TMEM230: variants seen among roughly 807,000 people sequenced by gnomAD.
TMEM230 encodes the protein transmembrane protein 230.
In TMEM230, 10 loss-of-function variants were observed where a neutral mutation model predicts 15.8. That is an observed-to-expected ratio of 0.63 (90% CI 0.39 to 1.07). The LOEUF (loss-of-function observed/expected upper bound fraction) is 1.07, where lower values mean the gene tolerates loss of function less well. Among genes scored for constraint, TMEM230 ranks in the 50% least tolerant of loss-of-function variants. The pLI is 0.01. For missense variants in TMEM230, 165 were observed against 193.3 expected (o/e 0.85, Z 0.87); for synonymous variants, 67 against 76.9 (o/e 0.87, Z 0.68).
intron 1 of TMEM230, among the ~76,000 whole-genome samples, chr20:5,112,155 C>G (rs1220439685): frequency 1.3e-5 from 2 of 152,198 alleles, no homozygotes; most frequent in Admixed American, 1.3e-4. Context: ...AACTGTTTTA[C>G]GTGGCTTGCA....
At chr20:5,061,671 G>C in the TMEM230 span, among the ~76,000 whole-genome samples, 1 of 152,164 alleles carries the variant, frequency 6.6e-6, no homozygotes. Context: ...CTGACAGTAA[G>C]AATCTCAGGG....
At chr20:5,112,558 G>C (rs1322124494) in intron 1 of TMEM230, among the ~76,000 whole-genome samples, 1 of 152,232 alleles carries the variant, frequency 6.6e-6, no homozygotes, top group Non-Finnish European at 1.5e-5. Flanking sequence ...GATTCTAAAA[G>C]ACGGGAAAAA....
intron 3 of TMEM230, among the ~76,000 whole-genome samples, chr20:5,092,980 T>C (rs1374821138): frequency 6.6e-6 from 1 of 152,112 alleles, no homozygotes; most frequent in Non-Finnish European, 1.5e-5. Flanking sequence ...TTTGACATAG[T>C]AATGGAAATC....
intron 3 of TMEM230, among the ~76,000 whole-genome samples, chr20:5,092,715 CAA>C (rs749828640): frequency 2.1e-4 from 11 of 53,008 alleles, no homozygotes; most frequent in Admixed American, 8.7e-4. Context: ...AACTCCGTCT[CAA>C]AAAAAAAAAA....
exon 4 of TMEM230, chr20:5,068,991 G>T (rs1022345816): frequency 4.7e-5 from 26 of 553,282 alleles, no homozygotes; most frequent in Admixed American, 4.4e-4. Context: ...AGTTGCATAG[G>T]GGGTAGAGGG....
At chr20:5,083,486 A>G (rs2089243536) in intron 3 of TMEM230, among the ~76,000 whole-genome samples, 1 of 152,014 alleles carries the variant, frequency 6.6e-6, no homozygotes, top group Non-Finnish European at 1.5e-5. Context: ...TCAAGAAGAG[A>G]GTCATATGAT....
At chr20:5,075,354 C>G (rs138543218) in intron 3 of TMEM230, among the ~76,000 whole-genome samples, 1 of 151,688 alleles carries the variant, frequency 6.6e-6, no homozygotes, top group Non-Finnish European at 1.5e-5. Context: ...CGTAAGCCAC[C>G]GCGCCCGGCC....
At chr20:5,068,741 C>A in exon 4 of TMEM230, 1 of 153,656 alleles carries the variant, frequency 6.5e-6, no homozygotes, top group Non-Finnish European at 1.4e-5. Flanking sequence ...TTTTATTACT[C>A]ATCCAGCTAA....
At chr20:5,091,070 C>T (rs2089492276) in intron 3 of TMEM230, among the ~76,000 whole-genome samples, 1 of 152,186 alleles carries the variant, frequency 6.6e-6, no homozygotes, top group Non-Finnish European at 1.5e-5. Context: ...GAGATCATGG[C>T]TCACTGCCGC....
At chr20:5,063,975 A>G (rs1468589104), downstream of TMEM230, among the ~76,000 whole-genome samples, 1 of 152,126 alleles carries the variant, frequency 6.6e-6, no homozygotes, top group East Asian at 1.9e-4. Flanking sequence ...TAACGAAACA[A>G]GAAAGACTGG....
chr20:5,081,311 A>C (rs756801691), intron 3 of TMEM230, among the ~76,000 whole-genome samples: 1 of 152,296 alleles, frequency 6.6e-6, no homozygotes, highest in South Asian at 2.1e-4. Context: ...AGAACAAGAG[A>C]TATCCTTGAC....
chr20:5,074,447 C>T (rs2088925326), intron 3 of TMEM230, among the ~76,000 whole-genome samples: 1 of 151,996 alleles, frequency 6.6e-6, no homozygotes, highest in African/African-American at 2.4e-5. Flanking sequence ...CCCCTAGAAG[C>T]CCAAACCCAT....
chr20:5,102,138 A>T (rs2089895301), intron 4 of TMEM230, among the ~76,000 whole-genome samples: 1 of 152,234 alleles, frequency 6.6e-6, no homozygotes, highest in Non-Finnish European at 1.5e-5. Context: ...CCCCTATAGG[A>T]ACTATGGAAG....
At chr20:5,083,399 G>A (rs1249346733) in intron 3 of TMEM230, among the ~76,000 whole-genome samples, 5 of 150,774 alleles carry the variant, frequency 3.3e-5, no homozygotes, top group Non-Finnish European at 7.4e-5. Flanking sequence ...GAAAGACCCA[G>A]CTAGGGAGTT....
downstream of TMEM230, among the ~76,000 whole-genome samples, chr20:5,066,587 G>A (rs1156784366): frequency 1.3e-5 from 2 of 151,160 alleles, no homozygotes; most frequent in African/African-American, 4.9e-5. Flanking sequence ...CAGGAGAATA[G>A]CTTGAACCCG....
intron 1 of TMEM230, chr20:5,112,732 T>C: frequency 3.5e-6 from 5 of 1,444,288 alleles, no homozygotes; most frequent in Non-Finnish European, 4.5e-6. Flanking sequence ...CTACATACGT[T>C]ATTCTCCTAC....
downstream of TMEM230, among the ~76,000 whole-genome samples, chr20:5,095,885 G>C (rs1258802726): frequency 6.6e-6 from 1 of 152,214 alleles, no homozygotes; most frequent in Non-Finnish European, 1.5e-5. Flanking sequence ...TGAAAAAATA[G>C]AGGAAAAACA....
intron 4 of TMEM230, among the ~76,000 whole-genome samples, chr20:5,101,201 C>T (rs1055341884): frequency 1.1e-4 from 16 of 152,048 alleles, no homozygotes; most frequent in Non-Finnish European, 1.5e-4. Flanking sequence ...GTGAACACAC[C>T]ATACTCTGTG....
intron 3 of TMEM230, among the ~76,000 whole-genome samples, chr20:5,074,017 G>A (rs2088909510): frequency 6.6e-6 from 1 of 152,130 alleles, no homozygotes; most frequent in Non-Finnish European, 1.5e-5. Flanking sequence ...GTGGGAACAA[G>A]CAAGGCGGGG....
Sources: gnomAD v4.1 joint callset for allele counts (sites outside exome capture counted in the v4.1 genomes callset) on GRCh38, gnomAD v4.1.1 for gene constraint, MANE v1.5 for transcripts, NCBI Gene and HGNC (gene_info 2026-07-23, HGNC 2026-07-21) for gene names.